Variants in INSRR observed in about 807,000 individuals in gnomAD.
The protein encoded by INSRR is insulin receptor-related protein.
A neutral mutation model predicts 130.0 loss-of-function variants in INSRR; 114 were observed. The ratio of observed to expected loss-of-function variants is 0.88; its 90% CI spans 0.75 to 1.02. The LOEUF is 1.02. INSRR is among the 50% of genes least tolerant of loss of function. INSRR has a pLI of 0.00. For synonymous variants in INSRR, 674 were observed against 705.2 expected (o/e 0.96, Z 0.70); for missense variants, 1,657 against 1,735.2 (o/e 0.95, Z 0.80).
Position 156,858,760 on chromosome 1 carries a change from C to A in INSRR, c.-139G>T. The A allele has an allele frequency of 1.5e-6, 1 of 687,644 alleles. No homozygotes were observed. Among genetic ancestry groups the A allele is most frequent in the African/African-American group, 1.8e-5 (1 of 56,386 alleles). The allele number at this position is 687,644 out of a possible 1,614,324, so 42.6% of individuals were successfully genotyped here. The stretch of plus-strand genomic sequence containing the variant: ...GCAGGGGCAGAGAGACAAGGAATCC[C>A]ACACAGAGACAGCAGGAGACAGAAA... On this transcript the variant is annotated 5_prime_UTR_variant, in exon 1 of 22. Coordinates refer to ENST00000368195, the MANE Select transcript of INSRR (RefSeq NM_014215.3).
chr1:156,846,283 C>G (rs1655004971), intron 8 of INSRR, among the ~76,000 whole-genome samples, 164 bp from the exon 9 acceptor site: 1 of 152,094 alleles, frequency 6.6e-6, no homozygotes, highest in Non-Finnish European at 1.5e-5. Context: ...CTGTCCTCCC[C>G]TTCTCTGCCA....
rs373077572 is a variant in INSRR at position 156,853,982 on chromosome 1, C to T, written c.407G>A (p.Arg136His). 103 of 1,613,454 alleles carry T rather than the reference C, an allele frequency of 6.4e-5. 1 individual carries two copies. The South Asian group carries it at 7.5e-4, about 12-fold the overall frequency. The change falls in exon 2 of 22, where the codon CGT (arginine) becomes CAT (histidine). Residue 136 changes from arginine to histidine, a missense_variant. By Grantham distance (29) the Arg-to-His change is conservative. Coordinates refer to ENST00000368195, the MANE Select transcript of INSRR (RefSeq NM_014215.3). ...GTTCTTCTCCACACGCACAGCCCCA[C>T]GCAGCACGGCCCCAAGTGCAGGCAG... ...VALPALGAVL[R>H]GAVRVEKNQE...
chr1:156,853,731 A>G, intron 2 of INSRR, 21 bp downstream of exon 2: 1 of 1,581,284 alleles, frequency 6.3e-7, no homozygotes, highest in South Asian at 1.1e-5. Flanking sequence ...CCCTACATTC[A>G]TGTTCTGTGC....
At chr1:156,842,017 GCTGT>G in intron 19 of INSRR, 91 bp downstream of exon 19, 1 of 1,586,408 alleles carries the variant, frequency 6.3e-7, no homozygotes, top group Non-Finnish European at 8.6e-7. Context: ...GGTCTCACAG[GCTGT>G]CAGGACCAGG....
chr1:156,841,414 C>T lies in INSRR; in HGVS notation c.3642G>A (p.Leu1214=). The stretch of plus-strand genomic sequence containing the variant: ...CTCACAGCTGAAGGGGACAGCCCTC[C>T]AGCTCCTCCAGGACCCCGCCATCCA... ...FVMDGGVLEE[L]EGCPLQLQEL... Residue 1214 remains leucine, a synonymous_variant, in exon 21 of 22, where the codon CTG becomes CTA. Coordinates refer to ENST00000368195, the MANE Select transcript of INSRR (RefSeq NM_014215.3). The T allele has an allele frequency of 6.2e-7, 1 of 1,613,872 alleles. No homozygotes were observed. Among genetic ancestry groups the T allele is most frequent in the Non-Finnish European group, 8.5e-7 (1 of 1,179,884 alleles).
intron 19 of INSRR, 138 bp downstream of exon 19, chr1:156,841,974 G>C (rs752185710): frequency 6.4e-7 from 1 of 1,553,208 alleles, no homozygotes. Flanking sequence ...TTGGACAAGA[G>C]ACTAAGATAC....
rs1655317095 is a variant in INSRR, at chr1:156,853,876, CT to C, written c.512del (p.Lys171SerfsTer77). ...APGANHIVGNKLGEECADVCP... is the reference protein window; with the variant it reads ...APGANHIVGNXLGEECADVCP... ...ACACGTCAGCACACTCCTCGCCCAG[CT>C]TGTTGCCCACGATGTGGTTGGCGCC... On this transcript the variant is annotated frameshift_variant, in exon 2 of 22. Transcript: ENST00000368195. LOFTEE classifies it high-confidence loss of function. 6.2e-7 allele frequency: 1 copy of C among 1,614,062 alleles called. No homozygotes were observed.
At chr1:156,847,404 AG>A (rs1317038835) in intron 7 of INSRR, among the ~76,000 whole-genome samples, 1 of 152,176 alleles carries the variant, frequency 6.6e-6, no homozygotes, top group Non-Finnish European at 1.5e-5. Flanking sequence ...CACTGGCTTT[AG>A]GGGTAGAAGA....
intron 5 of INSRR, among the ~76,000 whole-genome samples, chr1:156,850,170 A>G (rs182422486): frequency 3.3e-5 from 5 of 152,056 alleles, no homozygotes; most frequent in Admixed American, 2.6e-4. Context: ...CCAAAGTGCT[A>G]GGATTACAGG....
intron 11 of INSRR, 29 bp downstream of exon 11, chr1:156,845,343 C>T (rs761787647): frequency 1.9e-6 from 3 of 1,606,414 alleles, no homozygotes; most frequent in Non-Finnish European, 2.6e-6. Context: ...AAAGCCACGC[C>T]CCTCAGCACC....
At chr1:156,855,209 T>TATCTATCTATCTA (rs1441512082) in intron 1 of INSRR, among the ~76,000 whole-genome samples, 2 of 151,924 alleles carry the variant, frequency 1.3e-5, no homozygotes, top group Admixed American at 6.6e-5. Flanking sequence ...TCTATCTATC[T>TATCTATCTATCTA]ATTTATTTAT....
rs749125836 is a variant in INSRR, at chr1:156,854,323, G to T, written c.86-20C>A. On this transcript the variant is annotated intron_variant, in intron 1 of 21. Transcript: ENST00000368195. This position sits in a 1 kb window ranked among gnomAD's most constrained non-coding sequence, Gnocchi z 4.2. ...GGCACACTGTGGGCATACACGGCAC[G>T]CAGCATTGAGTACAGCCCAGGCCAA... 2.6e-5 allele frequency: 41 copies of T among 1,588,340 alleles called. No individual in the cohort carries two copies. Among genetic ancestry groups the T allele is most frequent in the Middle Eastern group, 1.7e-4 (1 of 5,834 alleles).
At position 156,842,990 on chromosome 1, in the gene INSRR, T is replaced by C. The variant is rs1654855647; in HGVS notation, c.3126+14A>G. On this transcript the variant is annotated intron_variant, in intron 17 of 21. Coordinates refer to ENST00000368195, the MANE Select transcript of INSRR (RefSeq NM_014215.3). ...CTAATTATGACCCTGACAATGCCCTTGGCTCTCCCTTACCACATGGTGACA... is the reference window on the plus strand; with the variant it reads ...CTAATTATGACCCTGACAATGCCCTCGGCTCTCCCTTACCACATGGTGACA... 5 of 1,595,944 alleles carry C rather than the reference T, an allele frequency of 3.1e-6. No individual in the cohort carries two copies. The highest frequency in any genetic ancestry group is 4.3e-6 in the Non-Finnish European group (5 of 1,164,110).
At position 156,841,868 on chromosome 1, in the gene INSRR, C is replaced by T. The variant is rs1654802366; in HGVS notation, c.3398-74G>A. 1.9e-6 allele frequency: 3 copies of T among 1,609,246 alleles called. No homozygotes were observed. The Admixed American group carries it at 5.0e-5, about 27-fold the overall frequency. The stretch of plus-strand genomic sequence containing the variant: ...GCACTAGCTCCTGCCCCTGGGATAC[C>T]TCTCCCAATCTTCTCATCCTCCAGA... On this transcript the variant is annotated intron_variant, in intron 19 of 21. Coordinates refer to ENST00000368195, the MANE Select transcript of INSRR (RefSeq NM_014215.3).
rs373645586 is a variant in INSRR, at chr1:156,841,748, C to T, written c.3444G>A (p.Lys1148=). ...RDVYETDYYR[K]GGKGLLPVRW... ...GCACGGGCAGCAGCCCCTTCCCACC[C>T]TTGCGGTAATAGTCTGTCTCATACA... The change falls in exon 20 of 22, where the codon AAG becomes AAA. Residue 1148 remains lysine, a synonymous_variant. Coordinates refer to ENST00000368195, the MANE Select transcript of INSRR (RefSeq NM_014215.3). 1.9e-6 allele frequency: 3 copies of T among 1,614,172 alleles called. No homozygotes were observed. Among genetic ancestry groups the T allele is most frequent in the African/African-American group, 1.3e-5 (1 of 75,048 alleles).
rs773196691 is a variant in INSRR at position 156,841,753 on chromosome 1, G to C, written c.3439C>G (p.Arg1147Gly). ...GGCAGCAGCCCCTTCCCACCCTTGCGGTAATAGTCTGTCTCATACACGTCC... is the reference window on the plus strand; with the variant it reads ...GGCAGCAGCCCCTTCCCACCCTTGCCGTAATAGTCTGTCTCATACACGTCC... ...TRDVYETDYY[R>G]KGGKGLLPVR... Residue 1147 changes from arginine to glycine, a missense_variant, in exon 20 of 22, where the codon CGC becomes GGC. Transcript: ENST00000368195. The C allele has an allele frequency of 6.2e-7, 1 of 1,614,002 alleles. No individual in the cohort carries two copies. Among genetic ancestry groups the C allele is most frequent in the African/African-American group, 1.3e-5 (1 of 74,902 alleles).
intron 5 of INSRR, among the ~76,000 whole-genome samples, chr1:156,849,916 C>CT (rs56654147): frequency 1.2e-3 from 177 of 146,046 alleles, no homozygotes; most frequent in Non-Finnish European, 7.6e-4. Flanking sequence ...TAGATGGTAA[C>CT]TTTTTTTTTT....
chr1:156,853,264 A>T (rs139751185), intron 2 of INSRR, among the ~76,000 whole-genome samples: 1 of 152,282 alleles, frequency 6.6e-6, no homozygotes, highest in East Asian at 1.9e-4. Flanking sequence ...GATTAGGAAC[A>T]TAGAACTGCT....
chr1:156,849,208 T>C (rs1179992415), intron 6 of INSRR, 38 bp downstream of exon 6: 2 of 1,608,660 alleles, frequency 1.2e-6, no homozygotes, highest in Admixed American at 1.7e-5. Flanking sequence ...GTCTAGTGTG[T>C]GGCCGCGTGT....
Sources: allele counts gnomAD v4.1 joint callset (sites outside exome capture counted in the v4.1 genomes callset), GRCh38; gene constraint gnomAD v4.1.1; non-coding constraint Gnocchi (gnomAD v3.1); transcripts MANE v1.5; gene names NCBI Gene and HGNC (gene_info 2026-07-23, HGNC 2026-07-21).